SPAG16: variants seen among roughly 807,000 people sequenced by gnomAD.
SPAG16 encodes sperm associated antigen 16.
SPAG16 carries 86 observed loss-of-function variants against 80.4 expected under a neutral mutation model. That is an observed-to-expected ratio of 1.07 (90% confidence interval 0.90 to 1.28). The LOEUF is 1.28. Among genes scored for constraint, SPAG16 ranks in the 50% most tolerant of loss-of-function variants. The pLI, the probability that SPAG16 is intolerant of heterozygous loss-of-function variation, is 0.00. For missense variants in SPAG16, 870 were observed against 765.3 expected, an observed-to-expected ratio of 1.14 and a Z score of -1.61; for synonymous variants, 294 against 265.9, an observed-to-expected ratio of 1.11 and a Z score of -1.03.
At chr2:213,361,564 C>CT (rs1378464205) in intron 7 of SPAG16, among the ~76,000 whole-genome samples, 1 of 151,196 alleles carries the variant, frequency 6.6e-6, no homozygotes, top group Non-Finnish European at 1.5e-5. Flanking sequence ...GGAGAAGTGT[C>CT]TGATTCTAGA....
chr2:213,451,403 C>T lies in SPAG16; in HGVS notation c.943-38560C>T, dbSNP rs376207434. 1.6e-4 allele frequency among the ~76,000 whole-genome samples: 25 copies of T among 152,140 alleles called. 1 individual carries two copies. The East Asian group carries it at 3.9e-3, about 24-fold the overall frequency. Reference sequence around the variant, plus strand: ...CTTTCTTTTGAAATCCAGGTATGTTCAGCCAACTTCTTAATTGAACCTCCA... The same window carrying T: ...CTTTCTTTTGAAATCCAGGTATGTTTAGCCAACTTCTTAATTGAACCTCCA... On this transcript the variant is annotated intron_variant, in intron 9 of 15. Transcript: ENST00000331683.
At chr2:214,365,054 A>G (rs1222928782) in intron 15 of SPAG16, among the ~76,000 whole-genome samples, 3 of 152,196 alleles carry the variant, frequency 2.0e-5, no homozygotes. Flanking sequence ...TTGTAAAGGT[A>G]CCTTCCAAAG....
chr2:214,011,062 TTTA>T (rs1327567689), intron 12 of SPAG16, among the ~76,000 whole-genome samples: 1 of 145,406 alleles, frequency 6.9e-6, no homozygotes, highest in Admixed American at 6.7e-5. Context: ...TTATACTTAT[TTTA>T]TTGTTAAATT....
At chr2:213,544,511 C>T (rs2076552185) in intron 10 of SPAG16, among the ~76,000 whole-genome samples, 1 of 152,028 alleles carries the variant, frequency 6.6e-6, no homozygotes, top group Non-Finnish European at 1.5e-5. Context: ...TATAAACCTA[C>T]ATGAATACAT....
intron 10 of SPAG16, among the ~76,000 whole-genome samples, chr2:213,769,099 G>C (rs770721194): frequency 5.9e-5 from 9 of 152,154 alleles, no homozygotes; most frequent in Non-Finnish European, 1.3e-4. Flanking sequence ...CATTAAAGAA[G>C]TATTGGTAGC....
intron 10 of SPAG16, among the ~76,000 whole-genome samples, chr2:213,726,751 T>C (rs2066787067): frequency 6.6e-6 from 1 of 152,198 alleles, no homozygotes; most frequent in Non-Finnish European, 1.5e-5. Context: ...ATGGATTGTT[T>C]TAAAATATCC....
At chr2:213,294,230 T>C (rs557861175) in intron 1 of SPAG16, among the ~76,000 whole-genome samples, 1 of 152,326 alleles carries the variant, frequency 6.6e-6, no homozygotes, top group South Asian at 2.1e-4. Flanking sequence ...TCAGGTTCAG[T>C]ATCTGGAGTA....
chr2:214,073,232 CT>C (rs67988930), intron 13 of SPAG16, among the ~76,000 whole-genome samples: 90,633 of 140,952 alleles, frequency 0.64, 28,766 homozygotes, highest in African/African-American at 0.71. Context: ...GAAATTTTTT[CT>C]TTTTTTTTTT....
At chr2:213,425,931 G>A (rs1286473900) in intron 9 of SPAG16, among the ~76,000 whole-genome samples, 1 of 152,130 alleles carries the variant, frequency 6.6e-6, no homozygotes, top group Non-Finnish European at 1.5e-5. Flanking sequence ...TACAGGTTGA[G>A]CCTGGAGCAT....
intron 10 of SPAG16, among the ~76,000 whole-genome samples, chr2:213,506,151 C>T (rs1019293505): frequency 6.6e-6 from 1 of 151,808 alleles, no homozygotes; most frequent in South Asian, 2.1e-4. Flanking sequence ...TAAACTAAGT[C>T]TATTAAACTA....
intron 15 of SPAG16, among the ~76,000 whole-genome samples, chr2:214,347,303 A>G (rs566763367): frequency 6.6e-6 from 1 of 152,256 alleles, no homozygotes. Context: ...GCTGCCTATA[A>G]TAAAATGAGA....
intron 15 of SPAG16, among the ~76,000 whole-genome samples, chr2:214,385,207 A>G (rs979169319): frequency 4.6e-5 from 7 of 152,218 alleles, no homozygotes; most frequent in African/African-American, 1.7e-4. Context: ...GTCACTCAAT[A>G]GTTGTATGCT....
At chr2:214,141,442 G>T (rs1418962093) in intron 14 of SPAG16, among the ~76,000 whole-genome samples, 2 of 151,030 alleles carry the variant, frequency 1.3e-5, no homozygotes, top group East Asian at 2.0e-4. Flanking sequence ...ACTCCAGCCC[G>T]GGTGACAGAG....
At chr2:213,593,825 A>G (rs2060793370) in intron 10 of SPAG16, among the ~76,000 whole-genome samples, 1 of 116,982 alleles carries the variant, frequency 8.5e-6, no homozygotes, top group African/African-American at 3.2e-5. Flanking sequence ...CCCAGGCTGG[A>G]GTGCAGTGTA....
chr2:214,128,946 A>G (rs757867076), intron 14 of SPAG16, among the ~76,000 whole-genome samples: 1 of 151,774 alleles, frequency 6.6e-6, no homozygotes, highest in South Asian at 2.1e-4. Context: ...TTTGTCTTCT[A>G]ATCTACCCAG....
chr2:213,437,680 T>C (rs1425369824), intron 9 of SPAG16, among the ~76,000 whole-genome samples: 2 of 152,144 alleles, frequency 1.3e-5, no homozygotes, highest in African/African-American at 2.4e-5. Flanking sequence ...CATTCCTCAA[T>C]ATTATACTTT....
At chr2:214,184,561 A>G (rs2057410292) in intron 15 of SPAG16, among the ~76,000 whole-genome samples, 1 of 152,064 alleles carries the variant, frequency 6.6e-6, no homozygotes, top group Admixed American at 6.6e-5. Flanking sequence ...GAGGCTAACT[A>G]TTGCTTGAAT....
chr2:213,353,166 G>C (rs2065430335), intron 7 of SPAG16, among the ~76,000 whole-genome samples: 1 of 152,180 alleles, frequency 6.6e-6, no homozygotes, highest in African/African-American at 2.4e-5. Context: ...ATAGCTCCTG[G>C]ATAGTTCCTG....
chr2:214,128,190 A>T (rs969658379), intron 14 of SPAG16, among the ~76,000 whole-genome samples: 104 of 151,926 alleles, frequency 6.8e-4, no homozygotes, highest in African/African-American at 2.4e-3. Context: ...GCAGGGGGAA[A>T]ACCTCTCAAG....
Sources: gnomAD v4.1 joint callset for allele counts (sites outside exome capture counted in the v4.1 genomes callset) on GRCh38, gnomAD v4.1.1 for gene constraint, MANE v1.5 for transcripts, NCBI Gene and HGNC (gene_info 2026-07-23, HGNC 2026-07-21) for gene names.